The following UGT1A8 variants were observed in gnomAD, a reference collection of about 807,000 sequenced individuals.
UGT1A8 encodes the protein UDP-glucuronosyltransferase 1A8.
UGT1A8 carries 39 observed loss-of-function variants against 45.3 expected under a neutral mutation model. That is an observed-to-expected ratio of 0.86 (90% CI 0.67 to 1.12). The LOEUF (loss-of-function observed/expected upper bound fraction) is 1.12, where lower values mean the gene tolerates loss of function less well. Ranked by LOEUF, UGT1A8 falls within the 50% of genes most tolerant of loss-of-function variation. UGT1A8 has a pLI of 0.00. For synonymous variants in UGT1A8, 275 were observed against 249.2 expected (o/e 1.10, Z -0.97); for missense variants, 719 against 664.9 (o/e 1.08, Z -0.90).
intron 1 of UGT1A8, among the ~76,000 whole-genome samples, chr2:233,650,308 G>A (rs1361771568): frequency 6.6e-6 from 1 of 152,156 alleles, no homozygotes; most frequent in Admixed American, 6.6e-5. Flanking sequence ...TCCATTGAAG[G>A]GTTTGTTCTT....
rs763517271 is a variant in UGT1A8, at chr2:233,665,607, T to C, written c.855+47045T>C. 1.3e-4 allele frequency among the ~76,000 whole-genome samples: 20 copies of C among 152,202 alleles called. 1 individual carries two copies. The highest frequency in any genetic ancestry group is 4.4e-5 in the Non-Finnish European group (3 of 68,036). On this transcript the variant is annotated intron_variant, in intron 1 of 4. Transcript: ENST00000373450. ...GCAGGAGAAACAGTTTAGCATTGGT[T>C]GGTTTGAATAATTTCAGTGGGCTCT...
chr2:233,734,820 G>A (rs1460443143), intron 1 of UGT1A8, among the ~76,000 whole-genome samples: 12 of 152,202 alleles, frequency 7.9e-5, no homozygotes, highest in Non-Finnish European at 1.3e-4. Context: ...GTAGTTGTGC[G>A]ATTTTGAGTG....
intron 1 of UGT1A8, among the ~76,000 whole-genome samples, chr2:233,622,864 T>C (rs1046666073): frequency 3.9e-5 from 6 of 152,186 alleles, no homozygotes; most frequent in Non-Finnish European, 7.4e-5. Context: ...TTTTAGGTCT[T>C]ACATTTAAAT....
chr2:233,680,466 C>A (rs1451550881), intron 1 of UGT1A8, among the ~76,000 whole-genome samples: 1 of 152,070 alleles, frequency 6.6e-6, no homozygotes, highest in East Asian at 1.9e-4. Flanking sequence ...TGTCTAGTAC[C>A]AGTTAGGGTG....
intron 1 of UGT1A8, chr2:233,691,057 C>T: frequency 1.0e-6 from 1 of 987,646 alleles, no homozygotes; most frequent in Admixed American, 6.0e-5. Context: ...GAGTGGAGGT[C>T]TAGTATAAAG....
chr2:233,648,010 A>C (rs2073645490), intron 1 of UGT1A8: 2 of 1,603,494 alleles, frequency 1.2e-6, no homozygotes, highest in Non-Finnish European at 1.7e-6. Context: ...GGTTGTAGTC[A>C]GGCCAGAGGT....
At chr2:233,669,274 A>G (rs2074135037) in intron 1 of UGT1A8, among the ~76,000 whole-genome samples, 1 of 151,470 alleles carries the variant, frequency 6.6e-6, no homozygotes, top group Admixed American at 6.6e-5. Context: ...TCTATTTTTT[A>G]AAAGTTATTT....
intron 1 of UGT1A8, chr2:233,636,762 G>C (rs201300142): frequency 6.2e-7 from 1 of 1,614,126 alleles, no homozygotes; most frequent in Non-Finnish European, 8.5e-7. Flanking sequence ...ACTCAACCTC[G>C]TACACTCTGG....
chr2:233,729,547 C>A (rs529213131), intron 1 of UGT1A8: 1 of 1,614,168 alleles, frequency 6.2e-7, no homozygotes, highest in South Asian at 1.1e-5. Flanking sequence ...GATCAGGCAC[C>A]TGAATGCTAC....
intron 1 of UGT1A8, chr2:233,692,760 G>A: frequency 8.2e-7 from 1 of 1,218,436 alleles, no homozygotes. Flanking sequence ...TTGTGGAGCT[G>A]AAGAGAAACA....
chr2:233,636,984 C>T (rs1406715357), intron 1 of UGT1A8: 1 of 1,614,042 alleles, frequency 6.2e-7, no homozygotes, highest in South Asian at 1.1e-5. Flanking sequence ...ATACCTGTGG[C>T]TTAATTGTTG....
chr2:233,656,848 G>C (rs112983713), intron 1 of UGT1A8, among the ~76,000 whole-genome samples: 1 of 152,046 alleles, frequency 6.6e-6, no homozygotes, highest in South Asian at 2.1e-4. Flanking sequence ...CAGTTTACAC[G>C]TTCCTGGGCA....
chr2:233,636,695 T>A lies in UGT1A8; in HGVS notation c.855+18133T>A, dbSNP rs137952333. ...CTCAGGGGGCATGAGGTGGTTGTAG[T>A]CATGCCAGAGGTGAGTTGGCAACTG... On this transcript the variant is annotated intron_variant, in intron 1 of 4. Transcript: ENST00000373450. 5.2e-4 allele frequency: 837 copies of A among 1,613,996 alleles called. 1 individual carries two copies. Among genetic ancestry groups the A allele is most frequent in the Non-Finnish European group, 6.5e-4 (772 of 1,180,028 alleles).
At chr2:233,729,540 C>A in intron 1 of UGT1A8, 1 of 1,614,202 alleles carries the variant, frequency 6.2e-7, no homozygotes, top group Middle Eastern at 1.6e-4. Context: ...AGGCCCTGAT[C>A]AGGCACCTGA....
chr2:233,657,553 T>C (rs1338466480), intron 1 of UGT1A8, among the ~76,000 whole-genome samples: 1 of 152,188 alleles, frequency 6.6e-6, no homozygotes, highest in East Asian at 1.9e-4. Context: ...ACTAGGTCAT[T>C]TGTGAGAGAT....
chr2:233,721,853 G>A, intron 1 of UGT1A8: 2 of 512,954 alleles, frequency 3.9e-6, no homozygotes, highest in South Asian at 2.8e-5. Flanking sequence ...CAGCCCCACT[G>A]CTCGGCCCTG....
intron 1 of UGT1A8, among the ~76,000 whole-genome samples, chr2:233,663,004 C>G (rs1384269786): frequency 6.6e-6 from 1 of 152,162 alleles, no homozygotes; most frequent in Admixed American, 6.5e-5. Context: ...ACCTTGTCAT[C>G]TTCACCACTT....
chr2:233,681,069 C>A (rs528405571), intron 1 of UGT1A8, among the ~76,000 whole-genome samples: 19 of 151,872 alleles, frequency 1.3e-4, no homozygotes, highest in African/African-American at 4.3e-4. Context: ...ACCTGTGTCA[C>A]AATTGTGGCT....
intron 1 of UGT1A8, chr2:233,719,514 G>A: frequency 6.2e-7 from 1 of 1,613,922 alleles, no homozygotes; most frequent in Non-Finnish European, 8.5e-7. Context: ...TGCCCCTTAT[G>A]CAAGTCTTGC....
Sources: allele counts gnomAD v4.1 joint callset (sites outside exome capture counted in the v4.1 genomes callset), GRCh38; gene constraint gnomAD v4.1.1; transcripts MANE v1.5; gene names NCBI Gene and HGNC (gene_info 2026-07-23, HGNC 2026-07-21).